Variants in CLTB observed in about 807,000 individuals in gnomAD.
CLTB encodes clathrin, light chain (Lcb).
CLTB carries 10 observed loss-of-function variants against 30.5 expected under a neutral mutation model. The observed-to-expected ratio is 0.33, with a 90% CI of 0.20 to 0.56. The LOEUF (loss-of-function observed/expected upper bound fraction) is 0.56, where lower values mean the gene tolerates loss of function less well. Ranked by LOEUF, CLTB falls within the 20% of genes least tolerant of loss-of-function variation. The pLI is 0.91. For missense variants in CLTB, 261 were observed against 308.3 expected, an observed-to-expected ratio of 0.85 and a Z score of 1.15; for synonymous variants, 102 against 120.3, an observed-to-expected ratio of 0.85 and a Z score of 1.00.
chr5:176,404,818 C>T lies in CLTB; in HGVS notation c.234+5439G>A, dbSNP rs574078617. On this transcript the variant is annotated intron_variant, in intron 2 of 5. Coordinates refer to ENST00000310418, the MANE Select transcript of CLTB (RefSeq NM_007097.5). ...GTGACCGACCCTCTGTGGCTTTGCA[C>T]ATGCTCTTCCCTTGGCCTTGGCCAA... is the stretch of plus-strand genomic sequence containing the variant. Among the ~76,000 whole-genome samples, 272 of 152,330 alleles carry T rather than the reference C, an allele frequency of 1.8e-3. 1 individual carries two copies. The highest frequency in any genetic ancestry group is 6.4e-3 in the African/African-American group (267 of 41,576).
intron 1 of CLTB, among the ~76,000 whole-genome samples, chr5:176,413,846 G>A (rs1757567318): frequency 6.6e-6 from 1 of 152,186 alleles, no homozygotes; most frequent in Non-Finnish European, 1.5e-5. Context: ...GGGCAGCTGA[G>A]CCTTTGCAGA....
At chr5:176,406,255 T>C in intron 2 of CLTB, 1 of 1,029,694 alleles carries the variant, frequency 9.7e-7, no homozygotes, top group Non-Finnish European at 1.2e-6. Context: ...TCCCAAGCTC[T>C]GGAGAGAGAA....
At chr5:176,396,921 C>G (rs1756551664) in intron 4 of CLTB, among the ~76,000 whole-genome samples, 1 of 150,812 alleles carries the variant, frequency 6.6e-6, no homozygotes, top group East Asian at 1.9e-4. Context: ...TTTCTTCGTA[C>G]CCAGGTCTAG....
In CLTB at chr5:176,392,502, C is replaced by T. The variant is rs2113614472; in HGVS notation, c.*272G>A. 2.3e-6 allele frequency: 1 copy of T among 441,888 alleles called. No individual in the cohort carries two copies. The highest frequency in any genetic ancestry group is 4.1e-6 in the Non-Finnish European group (1 of 246,092). The allele number at this position is 441,888 out of a possible 1,614,324, so 27.4% of individuals were successfully genotyped here. A position where few individuals can be genotyped will look rare whatever the true frequency, so the allele number is the denominator to read the frequency against. The stretch of plus-strand genomic sequence containing the variant: ...GATAATAAATAAGTGTAAAAAGAGT[C>T]AACAACACACCCTTTAAGCCAAGAA... On this transcript the variant is annotated 3_prime_UTR_variant, in exon 6 of 6. Coordinates refer to ENST00000310418, the MANE Select transcript of CLTB (RefSeq NM_007097.5). This position sits in a 1 kb window ranked among gnomAD's most constrained non-coding sequence, Gnocchi z 5.2.
intron 5 of CLTB, 46 bp downstream of exon 5, chr5:176,396,433 A>G (rs1756522675): frequency 6.6e-7 from 1 of 1,522,080 alleles, no homozygotes; most frequent in African/African-American, 1.4e-5. Context: ...TGTGGTGGCC[A>G]TTCCCTCTCT....
At chr5:176,400,851 T>C (rs538990871) in intron 2 of CLTB, among the ~76,000 whole-genome samples, 61 of 152,270 alleles carry the variant, frequency 4.0e-4, no homozygotes, top group African/African-American at 1.4e-3. Flanking sequence ...AGTGGCTGAA[T>C]GAGCAAAGAC....
rs773025770 is a variant in CLTB, at chr5:176,416,324, C to T, written c.40G>A (p.Gly14Ser). Residue 14 changes from glycine to serine, a missense_variant, in exon 1 of 6, where the codon GGT (glycine) becomes AGT (serine). Gly to Ser is a moderately conservative substitution (Grantham distance 56, BLOSUM62 0). Transcript: ENST00000310418. ...DFGFFSSSES[G>S]APEAAEEDPA... ...TCCTCCTCCGCCGCCTCCGGGGCAC[C>T]GCTCTCCGACGACGAGAAGAAGCCA... 34 of 1,602,150 alleles carry T rather than the reference C, an allele frequency of 2.1e-5. No individual in the cohort carries two copies. The highest frequency in any genetic ancestry group is 3.3e-4 in the Middle Eastern group (2 of 6,050).
intron 1 of CLTB, among the ~76,000 whole-genome samples, chr5:176,415,796 G>C (rs753677897): frequency 9.9e-5 from 15 of 152,194 alleles, no homozygotes; most frequent in Non-Finnish European, 1.9e-4. Context: ...AAGCCTGAGG[G>C]GCCAGGAGGG....
intron 2 of CLTB, chr5:176,406,675 G>A: frequency 7.8e-7 from 1 of 1,288,994 alleles, no homozygotes; most frequent in Non-Finnish European, 1.0e-6. Context: ...ATTGGCAACT[G>A]GGTTTGTAGC....
At chr5:176,412,103 G>A (rs1561801928) in intron 1 of CLTB, among the ~76,000 whole-genome samples, 1 of 150,980 alleles carries the variant, frequency 6.6e-6, no homozygotes, top group African/African-American at 2.4e-5. Context: ...GTGAACCCGG[G>A]AGGCGGAGCT....
intron 2 of CLTB, among the ~76,000 whole-genome samples, chr5:176,403,269 C>T (rs1409659548): frequency 3.3e-5 from 5 of 151,964 alleles, no homozygotes; most frequent in Admixed American, 6.6e-5. Context: ...AGACTTGTGT[C>T]GAACTCCTGA....
chr5:176,416,176 C>A lies in CLTB; in HGVS notation c.187+1G>T. 6.3e-7 allele frequency: 1 copy of A among 1,576,596 alleles called. No homozygotes were observed. The highest frequency in any genetic ancestry group is 8.6e-7 in the Non-Finnish European group (1 of 1,166,454). Reference sequence around the variant, plus strand: ...CCTCTCCAGGCCCCGCGCTGACTCACCCCCACTCGTGGGGCCCGGCTGCGC... The same window carrying A: ...CCTCTCCAGGCCCCGCGCTGACTCAACCCCACTCGTGGGGCCCGGCTGCGC... On this transcript the variant is annotated splice_donor_variant, in intron 1 of 5. Coordinates refer to ENST00000310418, the MANE Select transcript of CLTB (RefSeq NM_007097.5). LOFTEE classifies it high-confidence loss of function.
intron 2 of CLTB, among the ~76,000 whole-genome samples, chr5:176,408,343 T>C (rs889606572): frequency 1.3e-5 from 2 of 151,814 alleles, no homozygotes; most frequent in Non-Finnish European, 2.9e-5. Flanking sequence ...GAGACCAGCC[T>C]GGCCAACATG....
In CLTB at chr5:176,413,463, C is replaced by T. The variant is rs1015631265; in HGVS notation, c.187+2714G>A. On this transcript the variant is annotated intron_variant, in intron 1 of 5. Coordinates refer to ENST00000310418, the MANE Select transcript of CLTB (RefSeq NM_007097.5). ...TGTCCATCATCCAGATCACCCAGGG[C>T]CACAGATCCAGCCAGAGAGGAGGGG... Among the ~76,000 whole-genome samples, 8 of 152,344 alleles carry T rather than the reference C, an allele frequency of 5.3e-5. No homozygotes were observed. In the East Asian group the frequency reaches 1.4e-3, roughly 26 times the overall value.
chr5:176,405,535 A>G (rs539458978), intron 2 of CLTB: 8 of 152,450 alleles, frequency 5.2e-5, no homozygotes, highest in African/African-American at 1.2e-4. Flanking sequence ...AAGAAAAAAA[A>G]GAGAGCTCTT....
In CLTB at chr5:176,416,359, G is replaced by GC; in HGVS notation, c.4dup (p.Ala2GlyfsTer2). 6.3e-7 allele frequency: 1 copy of GC among 1,591,134 alleles called. No individual in the cohort carries two copies. The highest frequency in any genetic ancestry group is 8.5e-7 in the Non-Finnish European group (1 of 1,171,558). On this transcript the variant is annotated frameshift_variant, in exon 1 of 6. Transcript: ENST00000310418. LOFTEE classifies it high-confidence loss of function. Reference sequence around the variant, plus strand: ...CGACGAGAAGAAGCCAAAGTCATCAGCCATTTTCCCCGCGCCTCCGCCGGA... The same window carrying GC: ...CGACGAGAAGAAGCCAAAGTCATCAGCCCATTTTCCCCGCGCCTCCGCCGGA...
chr5:176,411,002 A>C (rs1179927998), intron 1 of CLTB, among the ~76,000 whole-genome samples: 1 of 152,190 alleles, frequency 6.6e-6, no homozygotes, highest in Non-Finnish European at 1.5e-5. Context: ...CCCGCAGCTC[A>C]GCCCCAGCCC....
In CLTB at chr5:176,416,312, C is replaced by T. The variant is rs1481635242; in HGVS notation, c.52G>A (p.Ala18Thr). 4 of 1,604,040 alleles carry T rather than the reference C, an allele frequency of 2.5e-6. No individual in the cohort carries two copies. Among genetic ancestry groups the T allele is most frequent in the East Asian group, 2.3e-5 (1 of 43,428 alleles). The change falls in exon 1 of 6, where the codon GCG (alanine) becomes ACG (threonine). Residue 18 changes from alanine (A) to threonine (T), a missense_variant. By Grantham distance (58) the Ala-to-Thr change is moderately conservative (BLOSUM62 0). This residue lies in a region of CLTB where 113 missense variants were observed against 102.5 expected (regional missense o/e 1.10). Coordinates refer to ENST00000310418, the MANE Select transcript of CLTB (RefSeq NM_007097.5). Reference protein sequence around the residue: ...FSSSESGAPEAAEEDPAAAFL... With the variant: ...FSSSESGAPETAEEDPAAAFL... Reference sequence around the variant, plus strand: ...GCGGCCGCCGGGTCCTCCTCCGCCGCCTCCGGGGCACCGCTCTCCGACGAC... The same window carrying T: ...GCGGCCGCCGGGTCCTCCTCCGCCGTCTCCGGGGCACCGCTCTCCGACGAC...
intron 2 of CLTB, among the ~76,000 whole-genome samples, chr5:176,400,964 A>AAGGGCAGGCC (rs750189890): frequency 1.2e-4 from 18 of 152,144 alleles, no homozygotes; most frequent in Non-Finnish European, 2.2e-4. Context: ...GGAGTGAGGG[A>AAGGGCAGGCC]AGGGCAGGCC....
Sources: allele counts gnomAD v4.1 joint callset (sites outside exome capture counted in the v4.1 genomes callset), GRCh38; gene constraint gnomAD v4.1.1; regional missense constraint gnomAD v4.1.1; non-coding constraint Gnocchi (gnomAD v3.1); transcripts MANE v1.5; gene names NCBI Gene and HGNC (gene_info 2026-07-23, HGNC 2026-07-21).